Variants in TMEM45B observed in about 807,000 individuals in gnomAD.
The protein encoded by TMEM45B is transmembrane protein 45B.
TMEM45B carries 29 observed loss-of-function variants against 27.3 expected under a neutral mutation model. The observed-to-expected ratio is 1.06, with a 90% CI of 0.79 to 1.45. The LOEUF is 1.45. TMEM45B is among the 40% of genes most tolerant of loss of function. The pLI, the probability that TMEM45B is intolerant of heterozygous loss-of-function variation, is 0.00. For synonymous variants in TMEM45B, 143 were observed against 134.7 expected (o/e 1.06, Z -0.43); for missense variants, 348 against 343.9 (o/e 1.01, Z -0.09).
At chr11:129,852,201 A>C (rs1167736758) in intron 1 of TMEM45B, among the ~76,000 whole-genome samples, 1 of 151,958 alleles carries the variant, frequency 6.6e-6, no homozygotes, top group East Asian at 1.9e-4. Context: ...GAGATCAATA[A>C]ATATTACCTA....
At chr11:129,830,579 T>C (rs1003988632) in intron 1 of TMEM45B, among the ~76,000 whole-genome samples, 3 of 152,218 alleles carry the variant, frequency 2.0e-5, no homozygotes, top group Non-Finnish European at 2.9e-5. Context: ...TTGCAAATAA[T>C]ATATCTGATA....
chr11:129,847,647 T>G (rs1290117048), intron 1 of TMEM45B, among the ~76,000 whole-genome samples: 1 of 151,690 alleles, frequency 6.6e-6, no homozygotes, highest in African/African-American at 2.4e-5. Flanking sequence ...GCACCGCCCT[T>G]AATCCATTTA....
At chr11:129,839,114 G>A (rs1947659281) in intron 1 of TMEM45B, among the ~76,000 whole-genome samples, 1 of 152,072 alleles carries the variant, frequency 6.6e-6, no homozygotes, top group South Asian at 2.1e-4. Flanking sequence ...TATCTCAAAT[G>A]AGAGAGCGAG....
chr11:129,850,792 C>CAGCTCTCCTCTTCTTCTG (rs1947836887), intron 1 of TMEM45B, among the ~76,000 whole-genome samples: 1 of 152,222 alleles, frequency 6.6e-6, no homozygotes, highest in African/African-American at 2.4e-5. Context: ...CCCACATCTA[C>CAGCTCTCCTCTTCTTCTG]AGCTCTCCTC....
chr11:129,817,614 C>T (rs1947368236), intron 1 of TMEM45B, among the ~76,000 whole-genome samples: 1 of 152,194 alleles, frequency 6.6e-6, no homozygotes, highest in African/African-American at 2.4e-5. Context: ...AAGATGGAAA[C>T]AGTGCCCCCA....
Position 129,855,816 on chromosome 11 carries a change from T to C in TMEM45B, c.494T>C (p.Val165Ala). The change falls in exon 4 of 6, where the codon GTG becomes GCG. Residue 165 changes from valine to alanine, a missense_variant. Coordinates refer to ENST00000281441, the MANE Select transcript of TMEM45B (RefSeq NM_138788.5). ...FGGCVSISLE[V>A]IFRDHIVLEL... ...GGGTGTGTTAGTATCTCCCTAGAGG[T>C]GATCTTCCGGGACCACATTGTGCTG... The C allele has an allele frequency of 1.2e-6, 2 of 1,613,984 alleles. No individual in the cohort carries two copies. The highest frequency in any genetic ancestry group is 1.7e-6 in the Non-Finnish European group (2 of 1,179,982).
At chr11:129,845,482 C>G (rs1408911424) in intron 1 of TMEM45B, among the ~76,000 whole-genome samples, 1 of 151,640 alleles carries the variant, frequency 6.6e-6, no homozygotes, top group Non-Finnish European at 1.5e-5. Context: ...AAGATGCATA[C>G]TATAATCCCT....
intron 1 of TMEM45B, among the ~76,000 whole-genome samples, chr11:129,829,560 AC>A (rs1164534813): frequency 6.6e-6 from 1 of 152,022 alleles, no homozygotes; most frequent in East Asian, 1.9e-4. Flanking sequence ...TATCTAGTTC[AC>A]TCCCACCATA....
chr11:129,833,958 C>T (rs1947585718), intron 1 of TMEM45B, among the ~76,000 whole-genome samples: 1 of 152,190 alleles, frequency 6.6e-6, no homozygotes, highest in Non-Finnish European at 1.5e-5. Flanking sequence ...TGGTTTAAGT[C>T]CCCTAGTCTG....
At chr11:129,857,168 G>A in intron 4 of TMEM45B, 145 bp from the exon 5 acceptor site, 1 of 950,008 alleles carries the variant, frequency 1.1e-6, no homozygotes, top group Non-Finnish European at 1.6e-6. Context: ...ATTTTTCTAT[G>A]TGAAAAGGCC....
At chr11:129,816,283 G>A (rs1222676248) in intron 1 of TMEM45B, among the ~76,000 whole-genome samples, 2 of 152,140 alleles carry the variant, frequency 1.3e-5, no homozygotes, top group East Asian at 3.9e-4. Flanking sequence ...CCGGGCCTCC[G>A]TCTGCCCGGT....
Position 129,857,260 on chromosome 11 carries a change from T to C in TMEM45B, c.571-53T>C, listed in dbSNP as rs933303802. On this transcript the variant is annotated intron_variant, in intron 4 of 5. Transcript: ENST00000281441. Reference sequence around the variant, plus strand: ...CGGTGGCCACAGGAGAACGGCTAGATTGCTTCTCAGGACGACCAACCACAA... The same window carrying C: ...CGGTGGCCACAGGAGAACGGCTAGACTGCTTCTCAGGACGACCAACCACAA... 32 of 1,601,922 alleles carry C rather than the reference T, an allele frequency of 2.0e-5. No individual in the cohort carries two copies. In the East Asian group the frequency reaches 4.9e-4, roughly 25 times the overall value.
In TMEM45B at chr11:129,855,801, G is replaced by GT; in HGVS notation, c.480dup (p.Ile161TyrfsTer49). On this transcript the variant is annotated frameshift_variant, in exon 4 of 6. Transcript: ENST00000281441. LOFTEE classifies it high-confidence loss of function. ...TATGCTCTGTTCGGAGGGTGTGTTA[G>GT]TATCTCCCTAGAGGTGATCTTCCGG... The GT allele has an allele frequency of 6.2e-7, 1 of 1,614,178 alleles. No homozygotes were observed. Among genetic ancestry groups the GT allele is most frequent in the South Asian group, 1.1e-5 (1 of 91,076 alleles).
chr11:129,853,944 G>C (rs1947884255), intron 2 of TMEM45B, among the ~76,000 whole-genome samples: 1 of 152,234 alleles, frequency 6.6e-6, no homozygotes, highest in South Asian at 2.1e-4. Context: ...AAGTAGAAGG[G>C]ATAAGAACTA....
chr11:129,852,344 T>G, intron 1 of TMEM45B, 131 bp from the exon 2 acceptor site: 83 of 793,642 alleles, frequency 1.0e-4, no homozygotes, highest in Non-Finnish European at 1.5e-4. Context: ...GCTTGTTTTA[T>G]GAGAATGTGT....
intron 1 of TMEM45B, among the ~76,000 whole-genome samples, chr11:129,828,863 C>T (rs1947516711): frequency 6.6e-6 from 1 of 152,192 alleles, no homozygotes; most frequent in African/African-American, 2.4e-5. Context: ...AGTAATTCTG[C>T]CCATTTAGGG....
At chr11:129,826,567 A>AAAAAAAGAAAGAAAAAT (rs1199881268) in intron 1 of TMEM45B, among the ~76,000 whole-genome samples, 1 of 96,126 alleles carries the variant, frequency 1.0e-5, no homozygotes, top group African/African-American at 3.8e-5. Context: ...AAAAAAAAAA[A>AAAAAAAGAAAGAAAAAT]AGGACCCTGA....
intron 1 of TMEM45B, among the ~76,000 whole-genome samples, chr11:129,844,062 T>A (rs939652896): frequency 2.6e-5 from 4 of 152,064 alleles, no homozygotes; most frequent in Admixed American, 2.6e-4. Context: ...CACTGATTGA[T>A]GAATGGACAA....
intron 1 of TMEM45B, among the ~76,000 whole-genome samples, chr11:129,847,407 A>ATTTGTTTTTTT (rs1555072230): frequency 1.5e-5 from 1 of 67,882 alleles, no homozygotes; most frequent in Non-Finnish European, 3.5e-5. Context: ...TTATGAAGTT[A>ATTTGTTTTTTT]TTTTTTTTTA....
Sources: allele counts gnomAD v4.1 joint callset (sites outside exome capture counted in the v4.1 genomes callset), GRCh38; gene constraint gnomAD v4.1.1; transcripts MANE v1.5; gene names NCBI Gene and HGNC (gene_info 2026-07-23, HGNC 2026-07-21).